Variants in YWHAZ observed in about 807,000 individuals in gnomAD.
YWHAZ encodes the protein tyrosine 3-monooxygenase/tryptophan 5-monooxygenase activation protein zeta, also known as 14-3-3 protein zeta/delta.
For missense variants in YWHAZ, 79 were observed against 284.8 expected (o/e 0.28, Z 5.20); for synonymous variants, 87 against 103.6 (o/e 0.84, Z 0.97).
chr8:100,943,893 A>G (rs1216346906), intron 2 of YWHAZ, among the ~76,000 whole-genome samples: 1 of 149,990 alleles, frequency 6.7e-6, no homozygotes, highest in African/African-American at 2.4e-5. Flanking sequence ...AGGCTGAGGC[A>G]GGAGAATGGC....
At chr8:100,929,861 A>T (rs1813640061) in intron 2 of YWHAZ, among the ~76,000 whole-genome samples, 1 of 152,194 alleles carries the variant, frequency 6.6e-6, no homozygotes. Flanking sequence ...AGTTACAACA[A>T]AGCAGAAAAA....
intron 2 of YWHAZ, among the ~76,000 whole-genome samples, chr8:100,938,882 T>C (rs1814400821): frequency 6.6e-6 from 1 of 152,252 alleles, no homozygotes; most frequent in Non-Finnish European, 1.5e-5. Context: ...TTAAGTCTTT[T>C]AGACATTTTG....
intron 2 of YWHAZ, among the ~76,000 whole-genome samples, chr8:100,941,818 A>T (rs1468693770): frequency 1.6e-5 from 2 of 122,928 alleles, no homozygotes; most frequent in Non-Finnish European, 3.8e-5. Flanking sequence ...GACAAAAAAA[A>T]AAAAAAACAT....
At chr8:100,920,933 C>A (rs570379370) in intron 5 of YWHAZ, among the ~76,000 whole-genome samples, 181 bp from the exon 6 acceptor site, 30 of 152,054 alleles carry the variant, frequency 2.0e-4, no homozygotes, top group African/African-American at 6.5e-4. Context: ...TTTTTTGTAA[C>A]CACTATATAA....
upstream of YWHAZ, chr8:100,953,139 G>T: frequency 1.0e-6 from 1 of 986,344 alleles, no homozygotes; most frequent in South Asian, 4.7e-5. Flanking sequence ...GCTGGAGCTG[G>T]TCCTGGCAGC....
At chr8:100,931,390 A>G (rs3105452) in intron 2 of YWHAZ, among the ~76,000 whole-genome samples, 70,556 of 151,922 alleles carry the variant, frequency 0.46, 17,009 homozygotes, top group South Asian at 0.63. Flanking sequence ...TGAACTGAGA[A>G]TCTATCTCTA....
chr8:100,931,632 T>C (rs934075910), intron 2 of YWHAZ, among the ~76,000 whole-genome samples: 5 of 152,176 alleles, frequency 3.3e-5, no homozygotes, highest in East Asian at 1.9e-4. Context: ...CTCATCTATA[T>C]GAAAATCCAC....
At chr8:100,947,233 A>G (rs1486005109) in intron 2 of YWHAZ, among the ~76,000 whole-genome samples, 37 of 150,844 alleles carry the variant, frequency 2.5e-4, no homozygotes, top group Admixed American at 2.4e-3. Context: ...CAGCCTGGGC[A>G]ACAGAGCAAG....
rs1342112631 is a variant in YWHAZ, at chr8:100,948,669, T to C, written c.221A>G (p.Lys74Arg). The part of the protein sequence containing the change: ...SIEQKTEGAE[K>R]KQQMAREYRE... ...GTATTCTCGAGCCATCTGCTGTTTT[T>C]TCTCAGCACCTTCCGTCTTTTGTTC... The change falls in exon 2 of 6, where the codon AAA (lysine) becomes AGA (arginine). Residue 74 changes from lysine to arginine, a missense_variant. Physicochemically the swap from Lys to Arg is conservative, Grantham distance 26. Coordinates refer to ENST00000395958, the MANE Select transcript of YWHAZ (RefSeq NM_145690.3). This position sits in a 1 kb window ranked among gnomAD's most constrained non-coding sequence, Gnocchi z 4.2. The C allele has an allele frequency of 6.2e-7, 1 of 1,607,536 alleles. No homozygotes were observed.
chr8:100,931,092 T>C (rs1813727301), intron 2 of YWHAZ, among the ~76,000 whole-genome samples: 2 of 152,170 alleles, frequency 1.3e-5, no homozygotes, highest in Non-Finnish European at 2.9e-5. Context: ...TACTGCACCG[T>C]AGTATAATTA....
At chr8:100,929,820 G>T (rs1221258559) in intron 2 of YWHAZ, among the ~76,000 whole-genome samples, 1 of 151,964 alleles carries the variant, frequency 6.6e-6, no homozygotes, top group South Asian at 2.1e-4. Context: ...AGAAAAAAAT[G>T]AATAAAAGAA....
intron 2 of YWHAZ, among the ~76,000 whole-genome samples, chr8:100,932,471 T>C (rs1180524080): frequency 6.6e-6 from 1 of 152,228 alleles, no homozygotes; most frequent in East Asian, 1.9e-4. Context: ...ATACTTCAAA[T>C]TTATGGCTTA....
intron 1 of YWHAZ, chr8:100,951,701 C>G: frequency 5.1e-6 from 5 of 985,412 alleles, no homozygotes; most frequent in Non-Finnish European, 6.0e-6. Flanking sequence ...CCGATCGGCG[C>G]CGGGGCGTCG....
At chr8:100,934,307 C>A (rs1362767574) in intron 2 of YWHAZ, among the ~76,000 whole-genome samples, 1 of 146,018 alleles carries the variant, frequency 6.8e-6, no homozygotes, top group East Asian at 2.0e-4. Flanking sequence ...GCATGGGGGA[C>A]AGAGGGAGAC....
chr8:100,937,262 C>A (rs1267431186), intron 2 of YWHAZ, among the ~76,000 whole-genome samples: 1 of 151,812 alleles, frequency 6.6e-6, no homozygotes, highest in African/African-American at 2.4e-5. Flanking sequence ...CTGAAAGATA[C>A]CCTTTTTCAT....
chr8:100,924,824 A>G lies in YWHAZ; in HGVS notation c.418+92T>C. The stretch of plus-strand genomic sequence containing the variant: ...CTACTCCTTATTCGGCACTCTAAGC[A>G]ATTCAAAACAAGACATTATGTACGC... On this transcript the variant is annotated intron_variant, in intron 3 of 5. Transcript: ENST00000395958. This position sits in a 1 kb window ranked among gnomAD's most constrained non-coding sequence, Gnocchi z 5.7. The G allele has an allele frequency of 6.5e-7, 1 of 1,530,450 alleles. No homozygotes were observed. The highest frequency in any genetic ancestry group is 8.9e-7 in the Non-Finnish European group (1 of 1,125,978). 94.8% of individuals were successfully genotyped at this position (1,530,450 alleles called of 1,614,324 possible).
intron 2 of YWHAZ, among the ~76,000 whole-genome samples, chr8:100,925,607 CAG>C (rs1813307552): frequency 6.6e-6 from 1 of 152,148 alleles, no homozygotes; most frequent in East Asian, 1.9e-4. Flanking sequence ...TTCCTAAAGA[CAG>C]TGGTAGGAGA....
chr8:100,932,166 A>G (rs1233946490), intron 2 of YWHAZ: 2 of 152,200 alleles, frequency 1.3e-5, no homozygotes, highest in Non-Finnish European at 2.9e-5. Flanking sequence ...TTAACATATA[A>G]TAAGCATTTA....
At chr8:100,937,130 G>T (rs1814205810) in intron 2 of YWHAZ, among the ~76,000 whole-genome samples, 1 of 152,088 alleles carries the variant, frequency 6.6e-6, no homozygotes, top group Non-Finnish European at 1.5e-5. Context: ...TTAACATGTG[G>T]ACAATCTGGC....
Sources: gnomAD v4.1 joint callset for allele counts (sites outside exome capture counted in the v4.1 genomes callset) on GRCh38, gnomAD v4.1.1 for gene constraint, Gnocchi (gnomAD v3.1) non-coding constraint, MANE v1.5 for transcripts, NCBI Gene and HGNC (gene_info 2026-07-23, HGNC 2026-07-21) for gene names.